Variants in STMND1 observed in about 807,000 individuals in gnomAD.
The protein encoded by STMND1 is stathmin domain containing 1.
STMND1 carries 17 observed loss-of-function variants against 23.0 expected under a neutral mutation model. The ratio of observed to expected loss-of-function variants is 0.74; its 90% CI spans 0.51 to 1.11. The LOEUF (loss-of-function observed/expected upper bound fraction) is 1.11, where lower values mean the gene tolerates loss of function less well. Among genes scored for constraint, STMND1 ranks in the 50% least tolerant of loss-of-function variants. STMND1 has a pLI of 0.00. For missense variants in STMND1, 305 were observed against 329.1 expected (o/e 0.93, Z 0.57); for synonymous variants, 114 against 119.9 (o/e 0.95, Z 0.32).
At position 17,102,085 on chromosome 6, in the gene STMND1, G is replaced by C. The variant is rs1473055429; in HGVS notation, c.-173G>C. On this transcript the variant is annotated 5_prime_UTR_variant, in exon 1 of 5. Transcript: ENST00000536551. ...ACTGCCCAGAAACTCAGTGCGTCCT[G>C]CCCGGGGTTTAAGCGCGGGAAGTGG... Among the ~76,000 whole-genome samples, 4 of 152,236 alleles carry C rather than the reference G, an allele frequency of 2.6e-5. No homozygotes were observed. Among genetic ancestry groups the C allele is most frequent in the Non-Finnish European group, 4.4e-5 (3 of 68,034 alleles).
intron 3 of STMND1, among the ~76,000 whole-genome samples, chr6:17,122,327 G>GA (rs889314250): frequency 8.6e-4 from 123 of 143,454 alleles, no homozygotes; most frequent in Non-Finnish European, 1.4e-3. Flanking sequence ...GAGAGAAAGC[G>GA]AAAAAAAAAG....
intron 1 of STMND1, among the ~76,000 whole-genome samples, chr6:17,107,512 C>T (rs1335938535): frequency 1.3e-5 from 2 of 152,192 alleles, no homozygotes; most frequent in African/African-American, 4.8e-5. Context: ...ACATTCTACT[C>T]ACCATTCCAT....
chr6:17,109,232 T>A (rs1761067261), intron 1 of STMND1, among the ~76,000 whole-genome samples: 1 of 152,204 alleles, frequency 6.6e-6, no homozygotes, highest in South Asian at 2.1e-4. Flanking sequence ...TTTGTTTGGT[T>A]GGTTTTTCAT....
intron 2 of STMND1, among the ~76,000 whole-genome samples, chr6:17,118,342 G>T (rs994748362): frequency 6.6e-6 from 1 of 151,994 alleles, no homozygotes; most frequent in Non-Finnish European, 1.5e-5. Flanking sequence ...ATAAAATTTT[G>T]TATATTAACA....
At chr6:17,108,782 C>T (rs1335250361) in intron 1 of STMND1, among the ~76,000 whole-genome samples, 1 of 150,866 alleles carries the variant, frequency 6.6e-6, no homozygotes, top group Non-Finnish European at 1.5e-5. Context: ...CTGCAACCTC[C>T]GCCTCTCGAG....
chr6:17,119,052 G>T (rs1761194979), intron 2 of STMND1, among the ~76,000 whole-genome samples: 1 of 152,092 alleles, frequency 6.6e-6, no homozygotes. Context: ...CCTTGAAGGG[G>T]ATTCACCTCT....
chr6:17,102,264 T>C lies in STMND1; in HGVS notation c.7T>C (p.Cys3Arg), dbSNP rs1226645870. 6.5e-7 allele frequency: 1 copy of C among 1,535,886 alleles called. No homozygotes were observed. The highest frequency in any genetic ancestry group is 8.7e-7 in the Non-Finnish European group (1 of 1,146,766). The change falls in exon 1 of 5, where the codon TGT becomes CGT. Residue 3 changes from cysteine (C) to arginine (R), a missense_variant. Cys to Arg is a radical substitution (Grantham distance 180, BLOSUM62 -3). Transcript: ENST00000536551. ...AGGAGCGCGCGCGCGCAGCATGGGC[T>C]GTGGACCTTCCCAACCTGCTGAAGA... MG[C>R]GPSQPAEDRR...
At chr6:17,114,887 A>T in intron 1 of STMND1, 75 bp from the exon 2 acceptor site, 1 of 1,409,886 alleles carries the variant, frequency 7.1e-7, no homozygotes, top group Non-Finnish European at 9.3e-7. Context: ...CTAAATATTC[A>T]CAAAGCAGAC....
At chr6:17,103,512 AT>A (rs1164613416) in intron 1 of STMND1, among the ~76,000 whole-genome samples, 2 of 133,902 alleles carry the variant, frequency 1.5e-5, no homozygotes, top group Non-Finnish European at 3.2e-5. Flanking sequence ...TCTTAACACT[AT>A]TTTCTGCTTT....
chr6:17,124,031 T>C (rs1761264613), intron 3 of STMND1, among the ~76,000 whole-genome samples: 1 of 152,104 alleles, frequency 6.6e-6, no homozygotes, highest in Non-Finnish European at 1.5e-5. Flanking sequence ...ATTAATACTT[T>C]GAATATCTAA....
At chr6:17,104,957 G>A (rs2113470640) in intron 1 of STMND1, among the ~76,000 whole-genome samples, 1 of 152,156 alleles carries the variant, frequency 6.6e-6, no homozygotes, top group African/African-American at 2.4e-5. Context: ...CAAGAAGCAT[G>A]GCTGGAAAAT....
chr6:17,124,957 C>A (rs1203055470), intron 3 of STMND1, among the ~76,000 whole-genome samples: 1 of 151,654 alleles, frequency 6.6e-6, no homozygotes, highest in Non-Finnish European at 1.5e-5. Context: ...CTTGATTATA[C>A]CACTGCACTC....
intron 2 of STMND1, among the ~76,000 whole-genome samples, chr6:17,119,152 A>G (rs1003260758): frequency 3.3e-5 from 5 of 152,164 alleles, no homozygotes; most frequent in African/African-American, 4.8e-5. Context: ...CAAAATCTGT[A>G]CAGAGCGCTT....
In STMND1 at chr6:17,102,180, G is replaced by A; in HGVS notation, c.-78G>A. On this transcript the variant is annotated 5_prime_UTR_variant, in exon 1 of 5. Coordinates refer to ENST00000536551, the MANE Select transcript of STMND1 (RefSeq NM_001190766.2). ...CAGGGCGCAGGAGCGCGGGACCACCGGCGCCGGAGCGCGGCAGGGAGCGCT... is the reference window on the plus strand; with the variant it reads ...CAGGGCGCAGGAGCGCGGGACCACCAGCGCCGGAGCGCGGCAGGGAGCGCT... 1.4e-6 allele frequency: 2 copies of A among 1,382,592 alleles called. No individual in the cohort carries two copies. Among genetic ancestry groups the A allele is most frequent in the East Asian group, 5.8e-5 (2 of 34,408 alleles). The allele number at this position is 1,382,592 out of a possible 1,614,324, so 85.6% of individuals were successfully genotyped here. A position where few individuals can be genotyped will look rare whatever the true frequency, so the allele number is the denominator to read the frequency against.
chr6:17,116,906 T>C (rs566330614), intron 2 of STMND1, among the ~76,000 whole-genome samples: 6 of 152,326 alleles, frequency 3.9e-5, no homozygotes, highest in African/African-American at 1.2e-4. Context: ...TTCTGCCACA[T>C]TGCATTATCA....
At chr6:17,110,987 T>A in intron 1 of STMND1, 1 of 401,264 alleles carries the variant, frequency 2.5e-6, no homozygotes, top group Non-Finnish European at 5.0e-6. Context: ...GACATGGTAG[T>A]CAGGGGAGAT....
At chr6:17,106,240 T>A (rs1761023370) in intron 1 of STMND1, among the ~76,000 whole-genome samples, 1 of 152,256 alleles carries the variant, frequency 6.6e-6, no homozygotes, top group South Asian at 2.1e-4. Context: ...GCCACCATGC[T>A]GGCAGGGTTG....
intron 4 of STMND1, among the ~76,000 whole-genome samples, chr6:17,129,684 A>C (rs975817088): frequency 2.6e-5 from 4 of 152,172 alleles, no homozygotes; most frequent in African/African-American, 9.6e-5. Context: ...CTCTACTAAA[A>C]ATACAAAAAA....
chr6:17,126,481 G>T (rs1761308492), intron 3 of STMND1, among the ~76,000 whole-genome samples: 1 of 152,018 alleles, frequency 6.6e-6, no homozygotes, highest in African/African-American at 2.4e-5. Context: ...TCAAGGTTCA[G>T]GCTCCTATGT....
Sources: gnomAD v4.1 joint callset for allele counts (sites outside exome capture counted in the v4.1 genomes callset) on GRCh38, gnomAD v4.1.1 for gene constraint, MANE v1.5 for transcripts, NCBI Gene and HGNC (gene_info 2026-07-23, HGNC 2026-07-21) for gene names.